The following CDH26 variants were observed in gnomAD, a reference collection of about 807,000 sequenced individuals.
CDH26 encodes cadherin 26, also known as cadherin-like protein 26.
CDH26 carries 83 observed loss-of-function variants against 90.3 expected under a neutral mutation model. The ratio of observed to expected loss-of-function variants is 0.92; its 90% confidence interval spans 0.77 to 1.10. CDH26 has a LOEUF of 1.10. Among genes scored for constraint, CDH26 ranks in the 50% least tolerant of loss-of-function variants. CDH26 has a pLI of 0.00. For missense variants in CDH26, 1,013 were observed against 1,037.6 expected (o/e 0.98, Z 0.33); for synonymous variants, 397 against 396.3 (o/e 1.00, Z -0.02).
At chr20:59,976,572 C>T (rs1401094161) in intron 4 of CDH26, among the ~76,000 whole-genome samples, 2 of 152,138 alleles carry the variant, frequency 1.3e-5, no homozygotes, top group African/African-American at 4.8e-5. Flanking sequence ...AAAGAGTTGC[C>T]AGCACAGTCA....
intron 4 of CDH26, among the ~76,000 whole-genome samples, chr20:59,976,902 G>A (rs1197816877): frequency 6.6e-6 from 1 of 152,154 alleles, no homozygotes; most frequent in African/African-American, 2.4e-5. Context: ...GGGATGGAGA[G>A]AGTGTTGCCT....
At chr20:60,035,753 T>A (rs924684554), downstream of CDH26, among the ~76,000 whole-genome samples, 2 of 152,070 alleles carry the variant, frequency 1.3e-5, no homozygotes, top group African/African-American at 4.8e-5. Flanking sequence ...AATGAGTGAG[T>A]TCTCACGAGA....
exon 8 of CDH26, chr20:60,031,323 C>T (rs1394072937): frequency 1.5e-6 from 2 of 1,295,990 alleles, no homozygotes; most frequent in Middle Eastern, 2.1e-4. Flanking sequence ...AAGACATTTA[C>T]AAGGAGATGA....
chr20:60,007,899 A>T (rs1340644811), intron 17 of CDH26, among the ~76,000 whole-genome samples: 1 of 152,120 alleles, frequency 6.6e-6, no homozygotes, highest in Non-Finnish European at 1.5e-5. Context: ...ATTATGTGAG[A>T]TTCTGATTTT....
intron 7 of CDH26, among the ~76,000 whole-genome samples, chr20:60,020,585 G>A (rs969988413): frequency 1.3e-5 from 2 of 152,196 alleles, no homozygotes; most frequent in Admixed American, 6.5e-5. Context: ...ATGTGGGCTT[G>A]GTGGAATGAA....
intron 17 of CDH26, among the ~76,000 whole-genome samples, chr20:60,007,814 G>C (rs1229835884): frequency 2.0e-5 from 3 of 152,084 alleles, no homozygotes; most frequent in African/African-American, 7.2e-5. Context: ...AGACCTGCTG[G>C]CCTCCTACCT....
rs6071069 is a variant in CDH26 at position 59,996,036 on chromosome 20, G to T, written c.1870G>T (p.Ala624Ser). The part of the protein sequence containing the change: ...HVGALFPVCA[A>S]FVALAVALLF... ...GGGGGCCCTGTTCCCTGTCTGTGCA[G>T]CATTTGTGGCTCTGGCAGGTCAGTG... Residue 624 changes from alanine (A) to serine (S), a missense_variant, in exon 12 of 18, where the codon GCA becomes TCA. Physicochemically the swap from Ala to Ser is moderately conservative, Grantham distance 99. Transcript: ENST00000348616. 17 of 1,613,166 alleles carry T rather than the reference G, an allele frequency of 1.1e-5. No homozygotes were observed. In the African/African-American group the frequency reaches 2.1e-4, roughly 20 times the overall value.
In CDH26 at chr20:60,030,762, G is replaced by C. The variant is rs1489789833; in HGVS notation, c.948-469G>C. Among the ~76,000 whole-genome samples the C allele has an allele frequency of 6.6e-6, 1 of 152,188 alleles. No homozygotes were observed. Among genetic ancestry groups the C allele is most frequent in the African/African-American group, 2.4e-5 (1 of 41,440 alleles). On this transcript the variant is annotated intron_variant, in intron 7 of 8. Transcript: ENST00000370991. The surrounding 1 kb of genome is among the most constrained non-coding windows in gnomAD (Gnocchi z 4.0). ...GATGTGGGAAGCATGGAAGTGAGCT[G>C]AGAGGGAGTGGAGTGGGTTCTAATG...
At chr20:59,982,606 G>C (rs1280106117) in intron 4 of CDH26, among the ~76,000 whole-genome samples, 4 of 152,204 alleles carry the variant, frequency 2.6e-5, no homozygotes, top group Non-Finnish European at 5.9e-5. Context: ...ATAGGTTGTA[G>C]AAACGGAGGC....
At chr20:60,033,329 G>C (rs2062058365) in intron 8 of CDH26, among the ~76,000 whole-genome samples, 1 of 152,220 alleles carries the variant, frequency 6.6e-6, no homozygotes, top group Non-Finnish European at 1.5e-5. Context: ...GAAGCTGTGG[G>C]TTATTGTTTA....
rs565470021 is a variant in CDH26 at position 59,962,739 on chromosome 20, AGGT to A, written c.69+3950_69+3952del. ...GAGAGACCAATCCTGTGGGTTCCCG[AGGT>A]GGTGGAAACTTTAGCTGTTTGGGGT... On this transcript the variant is annotated intron_variant, in intron 1 of 17. Coordinates refer to ENST00000348616, the MANE Select transcript of CDH26 (RefSeq NM_177980.4). 4.6e-5 allele frequency among the ~76,000 whole-genome samples: 7 copies of A among 152,256 alleles called. 1 individual carries two copies. In the South Asian group the frequency reaches 1.5e-3, roughly 32 times the overall value.
In CDH26 at chr20:59,987,491, C is replaced by T. The variant is rs146755298; in HGVS notation, c.876C>T (p.Gly292=). 49 of 1,613,304 alleles carry T rather than the reference C, an allele frequency of 3.0e-5. 1 individual carries two copies. The highest frequency in any genetic ancestry group is 2.5e-4 in the South Asian group (23 of 90,850). The part of the protein sequence containing the change: ...VQIPEGRASQ[G]VLRLLVQDRD... ...TTCCTGAAGGCCGAGCCAGCCAGGG[C>T]GTGTTGCGTCTCCTGGTTCAAGATC... Residue 292 remains glycine (G), a synonymous_variant, in exon 8 of 18, where the codon GGC becomes GGT. Coordinates refer to ENST00000348616, the MANE Select transcript of CDH26 (RefSeq NM_177980.4).
At chr20:59,981,927 A>G (rs899324517) in intron 4 of CDH26, among the ~76,000 whole-genome samples, 1 of 151,990 alleles carries the variant, frequency 6.6e-6, no homozygotes, top group Non-Finnish European at 1.5e-5. Context: ...TTAAACTATA[A>G]ATTTCACTTT....
intron 4 of CDH26, 44 bp downstream of exon 4, chr20:59,972,167 T>G: frequency 2.5e-6 from 4 of 1,570,814 alleles, no homozygotes; most frequent in African/African-American, 1.4e-5. Flanking sequence ...TTAAAAGCTC[T>G]TGCAAGACTG....
intron 1 of CDH26, among the ~76,000 whole-genome samples, chr20:59,960,394 AAC>A (rs111336064): frequency 0.14 from 20,300 of 148,232 alleles, 1,642 homozygotes; most frequent in East Asian, 0.36. Context: ...CTTATGTTAA[AAC>A]ACACACACAC....
At chr20:59,971,321 G>T (rs1171648912) in intron 3 of CDH26, among the ~76,000 whole-genome samples, 1 of 152,170 alleles carries the variant, frequency 6.6e-6, no homozygotes, top group Non-Finnish European at 1.5e-5. Context: ...TGCTGGGTAA[G>T]TTAGAGATTT....
At chr20:60,034,827 C>T (rs1470112244), downstream of CDH26, among the ~76,000 whole-genome samples, 1 of 152,238 alleles carries the variant, frequency 6.6e-6, no homozygotes, top group East Asian at 1.9e-4. Flanking sequence ...CCACAAACAA[C>T]AGCAGTGGGC....
At chr20:60,028,109 TG>T (rs1198746046) in intron 7 of CDH26, among the ~76,000 whole-genome samples, 1 of 152,200 alleles carries the variant, frequency 6.6e-6, no homozygotes, top group East Asian at 1.9e-4. Context: ...TGGGTAGGTC[TG>T]TGTAATCATC....
intron 7 of CDH26, among the ~76,000 whole-genome samples, chr20:60,020,732 G>A (rs1293188715): frequency 1.3e-5 from 2 of 152,180 alleles, no homozygotes; most frequent in Non-Finnish European, 2.9e-5. Flanking sequence ...GTGTGGGTGA[G>A]AGCTTGGCTC....
Sources: gnomAD v4.1 joint callset for allele counts (sites outside exome capture counted in the v4.1 genomes callset) on GRCh38, gnomAD v4.1.1 for gene constraint, Gnocchi (gnomAD v3.1) non-coding constraint, MANE v1.5 for transcripts, NCBI Gene and HGNC (gene_info 2026-07-23, HGNC 2026-07-21) for gene names.